SNX29: variants seen among roughly 807,000 people sequenced by gnomAD.
The protein encoded by SNX29 is sorting nexin 29.
In SNX29, 78 loss-of-function variants were observed where a neutral mutation model predicts 102.1. That is an observed-to-expected ratio of 0.76 (90% CI 0.64 to 0.92). SNX29 has a LOEUF of 0.92. Among genes scored for constraint, SNX29 ranks in the 40% least tolerant of loss-of-function variants. SNX29 has a pLI of 0.00. For synonymous variants in SNX29, 580 were observed against 414.5 expected (o/e 1.40, Z -4.85); for missense variants, 1,280 against 1,061.7 (o/e 1.21, Z -2.86).
In SNX29 at chr16:12,573,153, C is replaced by G. The variant is rs899905539; in HGVS notation, c.*4524C>G. ...TGTTTCCAAAATAAAGCTTCAGCTC[C>G]TTGGTCAATAGAAGTAAGGGTGTAG... On this transcript the variant is annotated 3_prime_UTR_variant, in exon 21 of 21. Transcript: ENST00000566228. 8.8e-6 allele frequency: 2 copies of G among 226,356 alleles called. No individual in the cohort carries two copies. The highest frequency in any genetic ancestry group is 3.7e-4 in the South Asian group (2 of 5,468). 14.0% of individuals were successfully genotyped at this position (226,356 alleles called of 1,614,324 possible).
chr16:12,562,649 G>GT lies in SNX29; in HGVS notation c.2319-5853dup, dbSNP rs200834789. Among the ~76,000 whole-genome samples the GT allele has an allele frequency of 3.9e-3, 592 of 152,300 alleles. 2 individuals carry two copies. Among genetic ancestry groups the GT allele is most frequent in the African/African-American group, 0.013 (523 of 41,548 alleles). On this transcript the variant is annotated intron_variant, in intron 20 of 20. Transcript: ENST00000566228. Reference sequence around the variant, plus strand: ...CTATCAGGGTCTTCCCTGAGGGGCTGTTTTATGTCGGGAAAGTCTAGATTT... The same window carrying GT: ...CTATCAGGGTCTTCCCTGAGGGGCTGTTTTTATGTCGGGAAAGTCTAGATTT...
chr16:12,312,908 G>A (rs368458207), intron 15 of SNX29, among the ~76,000 whole-genome samples: 1 of 152,152 alleles, frequency 6.6e-6, no homozygotes, highest in African/African-American at 2.4e-5. Flanking sequence ...TTTCACAGAA[G>A]GCTGTGTGGC....
intron 11 of SNX29, chr16:12,089,772 C>T (rs1030299210): frequency 3.0e-6 from 1 of 329,576 alleles, no homozygotes; most frequent in African/African-American, 2.2e-5. Flanking sequence ...TACTCACTTC[C>T]TCTTGCGAAG....
rs183835827 is a variant in SNX29, at chr16:12,268,542, G to A, written c.1679-9391G>A. Among the ~76,000 whole-genome samples the A allele has an allele frequency of 6.6e-5, 10 of 152,188 alleles. No individual in the cohort carries two copies. In the East Asian group the frequency reaches 1.5e-3, roughly 23 times the overall value. ...CTTTGTTGGAACACTGTGGGTAACC[G>A]GTGTCTTGTAGACATCATTGGCATC... On this transcript the variant is annotated intron_variant, in intron 14 of 20. Transcript: ENST00000566228.
intron 18 of SNX29, among the ~76,000 whole-genome samples, chr16:12,431,007 C>T (rs990218504): frequency 6.6e-6 from 1 of 152,172 alleles, no homozygotes. Flanking sequence ...CACCTGCCAC[C>T]ACACCCGGCT....
rs1316416792 is a variant in SNX29, at chr16:12,535,530, C to T, written c.2318+10689C>T. ...AGTCTCACAGAGTGAAGTGGCCAAG[C>T]CATAGTCTCACAGCTGGGACGTGGC... On this transcript the variant is annotated intron_variant, in intron 20 of 20. Transcript: ENST00000566228. Among the ~76,000 whole-genome samples the T allele has an allele frequency of 3.3e-5, 5 of 152,294 alleles. No individual in the cohort carries two copies. The South Asian group carries it at 8.3e-4, about 25-fold the overall frequency.
chr16:12,199,585 A>C lies in SNX29; in HGVS notation c.1596-16A>C. ...CTTTTTAAATATATATTTTTTTAACATTCTTGTACCTGCAGAGAGAACGAG... is the reference window on the plus strand; with the variant it reads ...CTTTTTAAATATATATTTTTTTAACCTTCTTGTACCTGCAGAGAGAACGAG... On this transcript the variant is annotated splice_polypyrimidine_tract_variant and intron_variant, in intron 13 of 20. Coordinates refer to ENST00000566228, the MANE Select transcript of SNX29 (RefSeq NM_032167.5). 1 of 1,602,964 alleles carries C rather than the reference A, an allele frequency of 6.2e-7. No individual in the cohort carries two copies. The highest frequency in any genetic ancestry group is 8.5e-7 in the Non-Finnish European group (1 of 1,174,300).
Position 12,537,984 on chromosome 16 carries a change from CAAAAAAA to C in SNX29, c.2318+13156_2318+13162del, listed in dbSNP as rs33931845. On this transcript the variant is annotated intron_variant, in intron 20 of 20. Transcript: ENST00000566228. ...TGGGCAATAGAGCAAAACTCCGTTT[CAAAAAAA>C]AAAAAAAAAAAATTGTCTGCCATTT... Among the ~76,000 whole-genome samples, 316 of 128,054 alleles carry C rather than the reference CAAAAAAA, an allele frequency of 2.5e-3. 1 individual carries two copies. Among genetic ancestry groups the C allele is most frequent in the African/African-American group, 8.2e-3 (294 of 35,806 alleles). 84.0% of individuals were successfully genotyped at this position (128,054 alleles called of 152,430 possible). A position where few individuals can be genotyped will look rare whatever the true frequency, so the allele number is the denominator to read the frequency against.
At chr16:12,006,325 G>C (rs982593892) in intron 3 of SNX29, among the ~76,000 whole-genome samples, 2 of 151,800 alleles carry the variant, frequency 1.3e-5, no homozygotes, top group African/African-American at 4.8e-5. Context: ...AGACCAGCCT[G>C]ACCAACGTGG....
chr16:12,572,345 T>C lies in SNX29; in HGVS notation c.*3716T>C, dbSNP rs9673974. On this transcript the variant is annotated 3_prime_UTR_variant, in exon 21 of 21. Coordinates refer to ENST00000566228, the MANE Select transcript of SNX29 (RefSeq NM_032167.5). Reference sequence around the variant, plus strand: ...GAGTGAAGCCCACCAGCCTGCCTGGTTGATGGACAGCAGGCTCTGCCTTCT... The same window carrying C: ...GAGTGAAGCCCACCAGCCTGCCTGGCTGATGGACAGCAGGCTCTGCCTTCT... 293,493 of 1,062,550 alleles carry C rather than the reference T, an allele frequency of 0.28. 43,670 individuals carry two copies. Among genetic ancestry groups the C allele is most frequent in the Non-Finnish European group, 0.3 (266,082 of 877,416 alleles). 65.8% of individuals were successfully genotyped at this position (1,062,550 alleles called of 1,614,324 possible). A position where few individuals can be genotyped will look rare whatever the true frequency, so the allele number is the denominator to read the frequency against.
intron 14 of SNX29, among the ~76,000 whole-genome samples, chr16:12,235,187 ACT>A (rs1286330651): frequency 6.6e-6 from 1 of 151,234 alleles, no homozygotes; most frequent in Non-Finnish European, 1.5e-5. Context: ...TCACTTGCTC[ACT>A]CTTTCTTTCC....
At chr16:12,545,215 G>T (rs2077535242) in intron 20 of SNX29, among the ~76,000 whole-genome samples, 1 of 152,212 alleles carries the variant, frequency 6.6e-6, no homozygotes, top group Admixed American at 6.5e-5. Flanking sequence ...GGGTGGGGCA[G>T]GCAATGACAG....
At chr16:12,542,059 C>T (rs1322378019) in intron 20 of SNX29, among the ~76,000 whole-genome samples, 2 of 151,888 alleles carry the variant, frequency 1.3e-5, no homozygotes, top group East Asian at 1.9e-4. Flanking sequence ...AAAGATATTC[C>T]TAGTCACCAG....
chr16:12,558,981 T>G (rs896307414), intron 20 of SNX29, among the ~76,000 whole-genome samples: 3 of 152,290 alleles, frequency 2.0e-5, no homozygotes, highest in African/African-American at 7.2e-5. Context: ...TTCAGAGACT[T>G]TAAAGAAATT....
intron 18 of SNX29, among the ~76,000 whole-genome samples, chr16:12,469,184 G>C (rs1440682911): frequency 6.6e-6 from 1 of 152,156 alleles, no homozygotes; most frequent in Non-Finnish European, 1.5e-5. Context: ...CTTGTACTAG[G>C]CTGCCTCATT....
intron 4 of SNX29, among the ~76,000 whole-genome samples, chr16:12,033,047 G>A (rs1186855938): frequency 1.3e-5 from 2 of 151,818 alleles, no homozygotes; most frequent in Non-Finnish European, 2.9e-5. Flanking sequence ...TAGAGGCAGG[G>A]TTTCACCACG....
chr16:12,013,501 ATATATATATATATATATATATATATATAT>A (rs1489454143), intron 3 of SNX29, among the ~76,000 whole-genome samples: 3 of 40,916 alleles, frequency 7.3e-5, no homozygotes, highest in African/African-American at 2.7e-4. Context: ...AAAAAAAAAA[ATATATATATATATATATATATATATATAT>A]ATATATATAT....
rs774864191 is a variant in SNX29 at position 12,052,046 on chromosome 16, T to C, written c.948T>C (p.Asn316=). The C allele has an allele frequency of 1.2e-6, 2 of 1,613,950 alleles. No homozygotes were observed. Among genetic ancestry groups the C allele is most frequent in the Admixed American group, 1.7e-5 (1 of 60,006 alleles). ...AFESPFGPNS[N]GSQSSNSWKI... is the part of the protein sequence containing the mutation. ...AAAGCCCCTTCGGGCCTAACTCCAA[T>C]GGAAGTCAGAGCAGCAACTCATGGA... Residue 316 remains asparagine (N), a synonymous_variant, in exon 8 of 21, where the codon AAT becomes AAC. Coordinates refer to ENST00000566228, the MANE Select transcript of SNX29 (RefSeq NM_032167.5).
intron 18 of SNX29, among the ~76,000 whole-genome samples, chr16:12,415,098 G>C (rs1236287748): frequency 6.6e-6 from 1 of 152,212 alleles, no homozygotes; most frequent in African/African-American, 2.4e-5. Context: ...CAGAACAAGA[G>C]AGACCTCCCA....
Sources: gnomAD v4.1 joint callset for allele counts (sites outside exome capture counted in the v4.1 genomes callset) on GRCh38, gnomAD v4.1.1 for gene constraint, MANE v1.5 for transcripts, NCBI Gene and HGNC (gene_info 2026-07-23, HGNC 2026-07-21) for gene names.